Variants in TBC1D19 observed in about 807,000 individuals in gnomAD.
TBC1D19 encodes TBC1 domain family member 19, also known as TBC1 domain family, member 19.
Under a neutral mutation model 89.0 loss-of-function variants are expected in TBC1D19, and 60 were observed. The observed-to-expected ratio is 0.67, with a 90% CI of 0.55 to 0.84. TBC1D19 has a LOEUF of 0.84. Among genes scored for constraint, TBC1D19 ranks in the 40% least tolerant of loss-of-function variants. TBC1D19 has a pLI of 0.00. For missense variants in TBC1D19, 500 were observed against 610.8 expected, an observed-to-expected ratio of 0.82 and a Z score of 1.91; for synonymous variants, 189 against 199.7, an observed-to-expected ratio of 0.95 and a Z score of 0.45.
the TBC1D19 span, among the ~76,000 whole-genome samples, chr4:26,837,996 G>T: frequency 6.6e-6 from 1 of 152,128 alleles, no homozygotes; most frequent in African/African-American, 2.4e-5. Context: ...AAATCCACTG[G>T]GTTTGCAGAT....
chr4:26,694,222 C>T (rs1289586469), intron 13 of TBC1D19, among the ~76,000 whole-genome samples: 2 of 152,126 alleles, frequency 1.3e-5, no homozygotes, highest in Non-Finnish European at 2.9e-5. Flanking sequence ...TTCCAAAGGT[C>T]TTAGCAAACG....
chr4:26,619,446 C>A (rs181104084), intron 3 of TBC1D19, among the ~76,000 whole-genome samples: 9 of 152,204 alleles, frequency 5.9e-5, no homozygotes, highest in Admixed American at 5.9e-4. Flanking sequence ...ACCTCGTGAT[C>A]CACCCACCTC....
chr4:26,657,564 A>G (rs1744942178), intron 7 of TBC1D19, among the ~76,000 whole-genome samples: 1 of 152,134 alleles, frequency 6.6e-6, no homozygotes, highest in South Asian at 2.1e-4. Flanking sequence ...ATGTGTCTTT[A>G]TAGTAGAATG....
At chr4:26,791,100 A>C in the TBC1D19 span, among the ~76,000 whole-genome samples, 1 of 152,086 alleles carries the variant, frequency 6.6e-6, no homozygotes, top group Non-Finnish European at 1.5e-5. Flanking sequence ...TCCCAAATCC[A>C]TTCTCCACAC....
At chr4:26,666,653 G>A (rs1711836793) in intron 9 of TBC1D19, among the ~76,000 whole-genome samples, 1 of 151,844 alleles carries the variant, frequency 6.6e-6, no homozygotes, top group African/African-American at 2.4e-5. Context: ...ACATATATAA[G>A]TCATTTTTGT....
chr4:26,667,188 C>A (rs1004115756), intron 9 of TBC1D19, among the ~76,000 whole-genome samples: 31 of 152,096 alleles, frequency 2.0e-4, no homozygotes, highest in Middle Eastern at 3.4e-3. Flanking sequence ...TTTAACCTCT[C>A]AGCAACTTTA....
At chr4:26,750,404 C>G (rs1718887307) in intron 19 of TBC1D19, among the ~76,000 whole-genome samples, 1 of 152,044 alleles carries the variant, frequency 6.6e-6, no homozygotes, top group Admixed American at 6.6e-5. Context: ...TTAGGACTTT[C>G]AAAAAGTAGA....
chr4:26,757,019 ATTTT>A (rs35758647), downstream of TBC1D19, among the ~76,000 whole-genome samples: 2 of 146,174 alleles, frequency 1.4e-5, no homozygotes, highest in Non-Finnish European at 1.5e-5. Flanking sequence ...TACCCATGCT[ATTTT>A]TTTTTTTTTT....
intron 13 of TBC1D19, among the ~76,000 whole-genome samples, chr4:26,705,849 G>A (rs2109226603): frequency 6.6e-6 from 1 of 152,016 alleles, no homozygotes; most frequent in East Asian, 1.9e-4. Context: ...ATTAAGAAGT[G>A]TTTTCTATTT....
At chr4:26,742,663 T>G in intron 18 of TBC1D19, 64 bp downstream of exon 18, 1 of 1,275,366 alleles carries the variant, frequency 7.8e-7, no homozygotes, top group Non-Finnish European at 1.1e-6. Flanking sequence ...TTTTCCTCAT[T>G]GCAGAGCACT....
intron 4 of TBC1D19, among the ~76,000 whole-genome samples, chr4:26,623,073 T>C (rs563298312): frequency 6.6e-6 from 1 of 152,276 alleles, no homozygotes; most frequent in East Asian, 1.9e-4. Context: ...GTTGTTTAGC[T>C]CCCTATTTTG....
the TBC1D19 span, among the ~76,000 whole-genome samples, chr4:26,839,923 G>A: frequency 2.0e-4 from 31 of 152,258 alleles, no homozygotes; most frequent in East Asian, 5.8e-3. Context: ...GTGGGCATGT[G>A]TCCCTTCTAA....
chr4:26,597,596 T>C (rs1740313112), intron 1 of TBC1D19, among the ~76,000 whole-genome samples: 1 of 146,634 alleles, frequency 6.8e-6, no homozygotes, highest in African/African-American at 2.5e-5. Flanking sequence ...ACTCCTGATC[T>C]CAGGTGATCC....
the TBC1D19 span, among the ~76,000 whole-genome samples, chr4:26,808,652 C>T: frequency 6.7e-6 from 1 of 150,052 alleles, no homozygotes; most frequent in Non-Finnish European, 1.5e-5. Context: ...TAGCTTGAAC[C>T]CGGGAGGTGG....
At chr4:26,690,620 G>T (rs1050103512) in intron 13 of TBC1D19, among the ~76,000 whole-genome samples, 2 of 152,122 alleles carry the variant, frequency 1.3e-5, no homozygotes, top group Admixed American at 6.5e-5. Flanking sequence ...CTCTATAAAT[G>T]GAACAAGAAA....
chr4:26,749,592 G>T (rs1194505115), intron 19 of TBC1D19, among the ~76,000 whole-genome samples: 1 of 151,804 alleles, frequency 6.6e-6, no homozygotes, highest in Non-Finnish European at 1.5e-5. Context: ...GATTACAGGC[G>T]CCTGCCACCA....
chr4:26,856,310 C>CT, the TBC1D19 span, among the ~76,000 whole-genome samples: 1 of 152,190 alleles, frequency 6.6e-6, no homozygotes, highest in African/African-American at 2.4e-5. Flanking sequence ...GAATTTCCTT[C>CT]TTTTTTAAGG....
chr4:26,769,720 AT>A, the TBC1D19 span, among the ~76,000 whole-genome samples: 1 of 151,114 alleles, frequency 6.6e-6, no homozygotes, highest in Admixed American at 6.6e-5. Context: ...TAATTTTTGT[AT>A]TTTTTTTGCA....
At chr4:26,578,600 C>T (rs761313464) in intron 1 of TBC1D19, among the ~76,000 whole-genome samples, 18 of 151,738 alleles carry the variant, frequency 1.2e-4, no homozygotes, top group African/African-American at 2.9e-4. Context: ...AGAGAGAGCA[C>T]GTGCAATTAT....
Sources: allele counts gnomAD v4.1 joint callset (sites outside exome capture counted in the v4.1 genomes callset), GRCh38; gene constraint gnomAD v4.1.1; transcripts MANE v1.5; gene names NCBI Gene and HGNC (gene_info 2026-07-23, HGNC 2026-07-21).